ARID1B: variants seen among roughly 807,000 people sequenced by gnomAD.
The protein encoded by ARID1B is AT-rich interactive domain-containing protein 1B.
A neutral mutation model predicts 212.3 loss-of-function variants in ARID1B; 30 were observed. The observed-to-expected ratio is 0.14, with a 90% CI of 0.11 to 0.19. The LOEUF (loss-of-function observed/expected upper bound fraction) is 0.19. Among genes scored for constraint, ARID1B ranks in the 10% least tolerant of loss-of-function variants. The pLI is 1.00. For synonymous variants in ARID1B, 1,402 were observed against 1,301.7 expected, an observed-to-expected ratio of 1.08 and a Z score of -1.66; for missense variants, 2,891 against 3,204.0, an observed-to-expected ratio of 0.90 and a Z score of 2.36.
chr6:157,119,461 C>T (rs534414640), intron 6 of ARID1B: 1 of 153,130 alleles, frequency 6.5e-6, no homozygotes, highest in Non-Finnish European at 1.5e-5. Context: ...CTCTCAAACA[C>T]CTGCCACACT....
At chr6:157,028,687 A>T (rs950746861) in intron 4 of ARID1B, among the ~76,000 whole-genome samples, 25 of 152,310 alleles carry the variant, frequency 1.6e-4, no homozygotes, top group African/African-American at 5.8e-4. Flanking sequence ...TCTACAAATA[A>T]TGTCATCATG....
In ARID1B at chr6:157,206,332, G is replaced by C. The variant is rs1554237124; in HGVS notation, c.5560G>C (p.Glu1854Gln). ...SQSLADDSGK[E>Q]EEDAECIDDD... is the part of the protein sequence containing the mutation. ...GTCCTTGGCAGACGATTCTGGGAAA[G>C]AGGAGGAAGATGCTGAATGTATTGA... Residue 1854 changes from glutamate to glutamine, a missense_variant, in exon 20 of 20, where the codon GAG becomes CAG. Coordinates refer to ENST00000636930, the MANE Select transcript of ARID1B (RefSeq NM_001374828.1). The surrounding 1 kb of genome is among the most constrained non-coding windows in gnomAD (Gnocchi z 6.8). 6.2e-7 allele frequency: 1 copy of C among 1,614,232 alleles called. No individual in the cohort carries two copies. Among genetic ancestry groups the C allele is most frequent in the Non-Finnish European group, 8.5e-7 (1 of 1,180,042 alleles).
At chr6:156,966,617 A>C (rs2128336294) in intron 4 of ARID1B, among the ~76,000 whole-genome samples, 1 of 151,896 alleles carries the variant, frequency 6.6e-6, no homozygotes, top group Non-Finnish European at 1.5e-5. Flanking sequence ...CTGGTCTGGA[A>C]CTCCTGACCT....
At chr6:157,181,223 T>G (rs1476107165) in intron 12 of ARID1B, 45 bp downstream of exon 12, 3 of 1,599,814 alleles carry the variant, frequency 1.9e-6, no homozygotes, top group Non-Finnish European at 2.6e-6. Flanking sequence ...GCATTGTGGA[T>G]AAGTTCTTAC....
At chr6:157,021,751 G>A (rs1171313294) in intron 4 of ARID1B, among the ~76,000 whole-genome samples, 2 of 151,902 alleles carry the variant, frequency 1.3e-5, no homozygotes, top group East Asian at 1.9e-4. Flanking sequence ...GCTCCTCCTG[G>A]AGGCGGGAGG....
intron 9 of ARID1B, 36 bp from the exon 10 acceptor site, chr6:157,173,972 A>G (rs1791900174): frequency 6.4e-7 from 1 of 1,572,058 alleles, no homozygotes; most frequent in Non-Finnish European, 8.8e-7. Flanking sequence ...CGAATCACAC[A>G]TATAATCCTA....
intron 6 of ARID1B, among the ~76,000 whole-genome samples, chr6:157,113,725 C>T (rs1010660007): frequency 6.6e-6 from 1 of 152,172 alleles, no homozygotes; most frequent in Non-Finnish European, 1.5e-5. Flanking sequence ...CAAAGCCAAG[C>T]TATATCACTG....
intron 1 of ARID1B, among the ~76,000 whole-genome samples, chr6:156,823,217 A>G (rs1223241137): frequency 2.6e-5 from 4 of 151,884 alleles, no homozygotes; most frequent in African/African-American, 9.7e-5. Flanking sequence ...GGGCTGTTCC[A>G]TTTTTTCTCA....
intron 3 of ARID1B, among the ~76,000 whole-genome samples, chr6:156,912,126 A>AC (rs1242082845): frequency 6.6e-6 from 1 of 152,160 alleles, no homozygotes; most frequent in Non-Finnish European, 1.5e-5. Context: ...ATTCCACGTT[A>AC]CCCATTATAC....
At chr6:156,895,276 TTCTG>T (rs1221273848) in intron 2 of ARID1B, among the ~76,000 whole-genome samples, 3 of 152,230 alleles carry the variant, frequency 2.0e-5, no homozygotes, top group Admixed American at 2.0e-4. Flanking sequence ...TGGCATAAAG[TTCTG>T]TCTGTTAGAG....
intron 2 of ARID1B, among the ~76,000 whole-genome samples, chr6:156,897,197 G>GCTA (rs1491540775): frequency 1.4e-5 from 1 of 70,492 alleles, no homozygotes; most frequent in Non-Finnish European, 3.2e-5. Context: ...TGCTACTGCT[G>GCTA]CTGCTGCTGC....
chr6:157,035,602 A>G (rs1781276512), intron 4 of ARID1B, among the ~76,000 whole-genome samples: 1 of 152,234 alleles, frequency 6.6e-6, no homozygotes, highest in Non-Finnish European at 1.5e-5. Context: ...TGAAACTTAC[A>G]ATGATTTTTT....
chr6:157,054,088 G>T (rs1159393737), intron 4 of ARID1B, among the ~76,000 whole-genome samples: 2 of 152,132 alleles, frequency 1.3e-5, no homozygotes, highest in African/African-American at 4.8e-5. Context: ...GCCAGGCCTG[G>T]TGGTGCGTGC....
chr6:157,121,969 C>T (rs1787754608), intron 6 of ARID1B, among the ~76,000 whole-genome samples: 1 of 152,148 alleles, frequency 6.6e-6, no homozygotes. Context: ...CTCCGCTAAC[C>T]AAACCACAGA....
At chr6:156,789,943 A>C (rs534144134) in intron 1 of ARID1B, among the ~76,000 whole-genome samples, 1 of 152,350 alleles carries the variant, frequency 6.6e-6, no homozygotes, top group Admixed American at 6.5e-5. Flanking sequence ...TTTCTCATGA[A>C]TAAGGAATTA....
chr6:157,137,897 TA>T (rs1789046657), intron 7 of ARID1B, among the ~76,000 whole-genome samples: 1 of 152,230 alleles, frequency 6.6e-6, no homozygotes, highest in African/African-American at 2.4e-5. Context: ...CAGAAGGGTT[TA>T]AAGATTTTTT....
chr6:157,201,461 A>C lies in ARID1B; in HGVS notation c.5236A>C (p.Arg1746=), dbSNP rs1049360139. ...VEASQPVLKQ[R]RKITSKDIVT... ...AGCATCACAACCAGTCTTGAAACAA[A>C]GGCGAAAGATTACCTCCAAAGATAT... is the stretch of plus-strand genomic sequence containing the variant. Residue 1746 remains arginine, a synonymous_variant, in exon 18 of 20, where the codon AGG becomes CGG. Coordinates refer to ENST00000636930, the MANE Select transcript of ARID1B (RefSeq NM_001374828.1). The surrounding 1 kb of genome is among the most constrained non-coding windows in gnomAD (Gnocchi z 5.2). 3 of 1,509,678 alleles carry C rather than the reference A, an allele frequency of 2.0e-6. No individual in the cohort carries two copies. Among genetic ancestry groups the C allele is most frequent in the Non-Finnish European group, 2.7e-6 (3 of 1,128,032 alleles). 93.5% of individuals were successfully genotyped at this position (1,509,678 alleles called of 1,614,324 possible).
At chr6:156,838,688 C>G (rs1486079544) in intron 2 of ARID1B, among the ~76,000 whole-genome samples, 1 of 140,862 alleles carries the variant, frequency 7.1e-6, no homozygotes, top group Non-Finnish European at 1.6e-5. Context: ...ATGTTGTACA[C>G]AGGTACCCTA....
rs539982128 is a variant in ARID1B, at chr6:157,132,624, G to A, written c.2582-404G>A. 4.6e-5 allele frequency among the ~76,000 whole-genome samples: 7 copies of A among 152,352 alleles called. No individual in the cohort carries two copies. In the South Asian group the frequency reaches 1.4e-3, roughly 32 times the overall value. On this transcript the variant is annotated intron_variant, in intron 6 of 19. Transcript: ENST00000636930. Reference sequence around the variant, plus strand: ...AGAGCTGCATCCCACAGATTGGGCAGGGAGCAAAGGCTTGGAGCAGGCACG... The same window carrying A: ...AGAGCTGCATCCCACAGATTGGGCAAGGAGCAAAGGCTTGGAGCAGGCACG...
Sources: allele counts gnomAD v4.1 joint callset (sites outside exome capture counted in the v4.1 genomes callset), GRCh38; gene constraint gnomAD v4.1.1; non-coding constraint Gnocchi (gnomAD v3.1); transcripts MANE v1.5; gene names NCBI Gene and HGNC (gene_info 2026-07-23, HGNC 2026-07-21).